The following CRADD variants were observed in gnomAD, a reference collection of about 807,000 sequenced individuals.
CRADD encodes CARD and death domain containing adaptor protein, also known as death domain-containing protein CRADD.
Under a neutral mutation model 15.5 loss-of-function variants are expected in CRADD, and 9 were observed. The observed-to-expected ratio is 0.58, with a 90% CI of 0.35 to 1.01. CRADD has a LOEUF of 1.01. Among genes scored for constraint, CRADD ranks in the 50% least tolerant of loss-of-function variants. The probability of loss-of-function intolerance (pLI) is 0.02; values close to 1 mark genes in which losing one functional copy is unlikely to be tolerated. For synonymous variants in CRADD, 118 were observed against 107.6 expected (o/e 1.10, Z -0.60); for missense variants, 227 against 250.3 (o/e 0.91, Z 0.63).
At chr12:93,825,157 C>T (rs1234979424) in intron 2 of CRADD, among the ~76,000 whole-genome samples, 4 of 152,188 alleles carry the variant, frequency 2.6e-5, no homozygotes, top group Admixed American at 6.5e-5. Context: ...TTAGATGTCT[C>T]TGGTATCTGC....
intron 2 of CRADD, among the ~76,000 whole-genome samples, chr12:93,800,190 A>G (rs914354182): frequency 6.6e-6 from 1 of 152,084 alleles, no homozygotes; most frequent in Admixed American, 6.5e-5. Flanking sequence ...GTAATTCAGT[A>G]TGTGTGTGTG....
rs141032494 is a variant in CRADD, at chr12:93,684,016, C to CT, written c.298+4944_298+4945insT. On this transcript the variant is annotated intron_variant, in intron 2 of 2. Coordinates refer to ENST00000332896, the MANE Select transcript of CRADD (RefSeq NM_003805.5). The stretch of plus-strand genomic sequence containing the variant: ...AGTATCCATAGCAAGACCCTTCCCT[C>CT]GGTAAAGGGAGAGTCTGCAGAGGGC... Among the ~76,000 whole-genome samples, 1,399 of 152,222 alleles carry CT rather than the reference C, an allele frequency of 9.2e-3. 16 individuals carry two copies. Among genetic ancestry groups the CT allele is most frequent in the African/African-American group, 0.032 (1,341 of 41,502 alleles).
intron 2 of CRADD, among the ~76,000 whole-genome samples, chr12:93,872,274 T>G (rs955400270): frequency 3.3e-5 from 5 of 152,140 alleles, no homozygotes; most frequent in Admixed American, 1.3e-4. Flanking sequence ...ATTTTTCCTA[T>G]AGAGTTGGAA....
intron 2 of CRADD, among the ~76,000 whole-genome samples, chr12:93,680,535 T>C (rs974817531): frequency 6.6e-6 from 1 of 152,222 alleles, no homozygotes; most frequent in Non-Finnish European, 1.5e-5. Context: ...GTTAAATGTA[T>C]CTTTAGGCTT....
At chr12:93,694,882 A>G (rs1393123861) in intron 2 of CRADD, among the ~76,000 whole-genome samples, 1 of 152,070 alleles carries the variant, frequency 6.6e-6, no homozygotes, top group African/African-American at 2.4e-5. Context: ...AAATGTCCAT[A>G]CTACCCAAAG....
At chr12:93,799,215 C>G (rs773145405) in intron 2 of CRADD, among the ~76,000 whole-genome samples, 1 of 152,138 alleles carries the variant, frequency 6.6e-6, no homozygotes, top group African/African-American at 2.4e-5. Flanking sequence ...ACTAAAACAA[C>G]GAATGTAACC....
chr12:93,863,311 G>A (rs1418553143), intron 2 of CRADD, among the ~76,000 whole-genome samples: 2 of 151,700 alleles, frequency 1.3e-5, no homozygotes, highest in Admixed American at 1.3e-4. Flanking sequence ...AGGCCTCTGC[G>A]GTCTGTCCCC....
At chr12:93,884,882 C>T (rs969797154) in intron 2 of CRADD, among the ~76,000 whole-genome samples, 1 of 152,102 alleles carries the variant, frequency 6.6e-6, no homozygotes, top group Non-Finnish European at 1.5e-5. Context: ...CACTTGTCCA[C>T]CCGAATGCAT....
intron 2 of CRADD, among the ~76,000 whole-genome samples, chr12:93,759,067 G>A (rs981778387): frequency 6.6e-6 from 1 of 152,156 alleles, no homozygotes; most frequent in African/African-American, 2.4e-5. Context: ...TTAATTTTTG[G>A]AAGTGTAGAA....
chr12:93,864,773 A>T (rs1301741103), intron 2 of CRADD, among the ~76,000 whole-genome samples: 3 of 152,198 alleles, frequency 2.0e-5, no homozygotes, highest in Non-Finnish European at 4.4e-5. Flanking sequence ...AGTGATGGAG[A>T]ACTGTAAATG....
At chr12:93,740,222 A>G (rs957081929) in intron 2 of CRADD, among the ~76,000 whole-genome samples, 7 of 152,190 alleles carry the variant, frequency 4.6e-5, no homozygotes, top group African/African-American at 1.7e-4. Flanking sequence ...AAATCTGCCA[A>G]AACAGACCAG....
At position 93,892,964 on chromosome 12, in the gene CRADD, G is replaced by A. The variant is rs970982460; in HGVS notation, c.299-1086G>A. Reference sequence around the variant, plus strand: ...AAGCAAATGTGGCCTTGGCTCTTCCGAAAGAACACAGGCTGTGCTGTAAAG... The same window carrying A: ...AAGCAAATGTGGCCTTGGCTCTTCCAAAAGAACACAGGCTGTGCTGTAAAG... On this transcript the variant is annotated intron_variant, in intron 2 of 2. Transcript: ENST00000548483. 7.2e-4 allele frequency among the ~76,000 whole-genome samples: 109 copies of A among 152,118 alleles called. 3 individuals are homozygous for A. The highest frequency in any genetic ancestry group is 3.4e-4 in the African/African-American group (14 of 41,426).
intron 2 of CRADD, among the ~76,000 whole-genome samples, chr12:93,781,065 C>CT (rs1342325444): frequency 2.6e-5 from 4 of 151,722 alleles, no homozygotes; most frequent in South Asian, 4.2e-4. Flanking sequence ...CTCTTGGTTA[C>CT]TTTTTTTTAA....
intron 2 of CRADD, among the ~76,000 whole-genome samples, chr12:93,711,917 G>A (rs554575468): frequency 5.9e-5 from 9 of 152,106 alleles, no homozygotes; most frequent in Admixed American, 5.9e-4. Context: ...CACCACTCCT[G>A]GCTAATTTTT....
At chr12:93,881,852 G>A (rs950558633) in intron 2 of CRADD, among the ~76,000 whole-genome samples, 4 of 152,148 alleles carry the variant, frequency 2.6e-5, no homozygotes, top group African/African-American at 7.2e-5. Flanking sequence ...TAGGCTGGGC[G>A]GGGTGGCTTA....
At chr12:93,772,351 A>G (rs1235628190) in intron 2 of CRADD, among the ~76,000 whole-genome samples, 1 of 152,238 alleles carries the variant, frequency 6.6e-6, no homozygotes, top group African/African-American at 2.4e-5. Context: ...TTTCATTAGA[A>G]TGTGCCCTTT....
chr12:93,701,449 G>A (rs1297475217), intron 2 of CRADD, among the ~76,000 whole-genome samples: 2 of 152,192 alleles, frequency 1.3e-5, no homozygotes, highest in Non-Finnish European at 2.9e-5. Context: ...CCACTCTCAA[G>A]ATTCCCTCAT....
At chr12:93,784,460 G>T (rs1321435098) in intron 2 of CRADD, among the ~76,000 whole-genome samples, 1 of 152,060 alleles carries the variant, frequency 6.6e-6, no homozygotes, top group East Asian at 1.9e-4. Flanking sequence ...CTAAACCCAG[G>T]CCGTCTGACC....
At chr12:93,738,388 C>A in intron 2 of CRADD, 3 of 702,302 alleles carry the variant, frequency 4.3e-6, no homozygotes, top group Non-Finnish European at 7.8e-6. Flanking sequence ...TTGTGGAATT[C>A]TTCCATGAGA....
Sources: allele counts gnomAD v4.1 joint callset (sites outside exome capture counted in the v4.1 genomes callset), GRCh38; gene constraint gnomAD v4.1.1; transcripts MANE v1.5; gene names NCBI Gene and HGNC (gene_info 2026-07-23, HGNC 2026-07-21).